The following TRIM44 variants were observed in gnomAD, a reference collection of about 807,000 sequenced individuals.
TRIM44 encodes the protein tripartite motif containing 44, also known as tripartite motif-containing protein 44.
Under a neutral mutation model 37.4 loss-of-function variants are expected in TRIM44, and 13 were observed. The ratio of observed to expected loss-of-function variants is 0.35; its 90% confidence interval spans 0.23 to 0.55. The LOEUF is 0.55. Among genes scored for constraint, TRIM44 ranks in the 20% least tolerant of loss-of-function variants. The pLI is 0.89. For synonymous variants in TRIM44, 175 were observed against 157.2 expected (o/e 1.11, Z -0.85); for missense variants, 426 against 437.2 (o/e 0.97, Z 0.23).
At chr11:35,766,982 G>A (rs774995677) in intron 4 of TRIM44, among the ~76,000 whole-genome samples, 18 of 152,164 alleles carry the variant, frequency 1.2e-4, no homozygotes, top group Non-Finnish European at 2.1e-4. Context: ...AAGTACTAAG[G>A]AATAGATTCT....
chr11:35,701,510 G>T (rs1264478906), intron 2 of TRIM44, among the ~76,000 whole-genome samples: 3 of 152,134 alleles, frequency 2.0e-5, no homozygotes, highest in Admixed American at 2.0e-4. Flanking sequence ...AGGTCATGCA[G>T]ATCTCAAACC....
At position 35,815,388 on chromosome 11, in the gene TRIM44, G is replaced by C. The variant is rs532924345; in HGVS notation, c.*9003G>C. ...CTAAGTAGGAAGAACTATGATAGAG[G>C]AACAAGATTGCTCTTTGACTTGGTG... On this transcript the variant is annotated 3_prime_UTR_variant, in exon 5 of 5. Transcript: ENST00000299413. 1 of 152,268 alleles carries C rather than the reference G, an allele frequency of 6.6e-6. No homozygotes were observed. Among genetic ancestry groups the C allele is most frequent in the East Asian group, 1.9e-4 (1 of 5,180 alleles). 9.4% of individuals were successfully genotyped at this position (152,268 alleles called of 1,614,324 possible). A position where few individuals can be genotyped will look rare whatever the true frequency, so the allele number is the denominator to read the frequency against.
chr11:35,682,259 G>A (rs1851528618), intron 1 of TRIM44, among the ~76,000 whole-genome samples: 1 of 152,162 alleles, frequency 6.6e-6, no homozygotes, highest in South Asian at 2.1e-4. Flanking sequence ...AGATGGACCA[G>A]TTTCTGATAC....
rs60767385 is a variant in TRIM44, at chr11:35,695,523, C to G, written c.747+10187C>G. Among the ~76,000 whole-genome samples, 1,255 of 152,158 alleles carry G rather than the reference C, an allele frequency of 8.2e-3. 15 individuals carry two copies. Among genetic ancestry groups the G allele is most frequent in the African/African-American group, 0.028 (1,165 of 41,518 alleles). ...CATTGAAGTTCCAGGAATTCTTACCCAGTTCAAATGATATGATTCTGAAGT... is the reference window on the plus strand; with the variant it reads ...CATTGAAGTTCCAGGAATTCTTACCGAGTTCAAATGATATGATTCTGAAGT... On this transcript the variant is annotated intron_variant, in intron 2 of 4. Transcript: ENST00000299413.
At position 35,774,145 on chromosome 11, in the gene TRIM44, CT is replaced by C. The variant is rs200033854; in HGVS notation, c.1008-32208del. 5.8e-4 allele frequency among the ~76,000 whole-genome samples: 89 copies of C among 152,298 alleles called. 1 individual carries two copies. The East Asian group carries it at 0.017, about 29-fold the overall frequency. On this transcript the variant is annotated intron_variant, in intron 4 of 4. Coordinates refer to ENST00000299413, the MANE Select transcript of TRIM44 (RefSeq NM_017583.6). ...CTCTCCAGCACGTGTTGTTTCCTGA[CT>C]TTTTAATAATTGCCATTCTAACTGG...
chr11:35,803,197 T>C (rs1853392373), intron 4 of TRIM44, among the ~76,000 whole-genome samples: 1 of 151,872 alleles, frequency 6.6e-6, no homozygotes, highest in African/African-American at 2.4e-5. Flanking sequence ...ACAAAAGTAA[T>C]TATGTAATGC....
rs1174767683 is a variant in TRIM44, at chr11:35,725,991, A to G, written c.815A>G (p.Asp272Gly). ...EFKKVQKVIA[D>G]EEQKALHLVD... ...AAGAAAGTTCAGAAAGTGATTGCTG[A>G]TGAGGAGCAGAAGGCCCTTCATCTA... Residue 272 changes from aspartate to glycine, a missense_variant, in exon 3 of 5, where the codon GAT (aspartate) becomes GGT (glycine). Physicochemically the swap from Asp to Gly is moderately conservative, Grantham distance 94 (BLOSUM62 -1). Coordinates refer to ENST00000299413, the MANE Select transcript of TRIM44 (RefSeq NM_017583.6). The G allele has an allele frequency of 1.2e-6, 2 of 1,613,972 alleles. No homozygotes were observed. The highest frequency in any genetic ancestry group is 2.7e-5 in the African/African-American group (2 of 74,922).
chr11:35,778,515 G>C (rs1233662909), intron 4 of TRIM44, among the ~76,000 whole-genome samples: 1 of 152,106 alleles, frequency 6.6e-6, no homozygotes, highest in Non-Finnish European at 1.5e-5. Flanking sequence ...AAGTAGCTGC[G>C]TTCCTTTAGA....
chr11:35,724,929 T>G lies in TRIM44; in HGVS notation c.748-995T>G, dbSNP rs117978567. 1.8e-3 allele frequency among the ~76,000 whole-genome samples: 277 copies of G among 152,314 alleles called. 14 individuals are homozygous for G. In the East Asian group the frequency reaches 0.031, roughly 17 times the overall value. ...AATTTACTAAGTGGCTCTAAACATC[T>G]TTAAAAAACTCATATGCGTATATTA... On this transcript the variant is annotated intron_variant, in intron 2 of 4. Coordinates refer to ENST00000299413, the MANE Select transcript of TRIM44 (RefSeq NM_017583.6).
intron 1 of TRIM44, among the ~76,000 whole-genome samples, chr11:35,670,966 A>G (rs1026301358): frequency 6.6e-6 from 1 of 152,208 alleles, no homozygotes; most frequent in African/African-American, 2.4e-5. Context: ...AAATGTTTCG[A>G]GTGCAATGTA....
intron 3 of TRIM44, among the ~76,000 whole-genome samples, chr11:35,733,270 CT>C (rs1291051476): frequency 6.6e-6 from 1 of 152,112 alleles, no homozygotes; most frequent in Non-Finnish European, 1.5e-5. Context: ...GAAACCCTGT[CT>C]CTTAATCATT....
intron 2 of TRIM44, among the ~76,000 whole-genome samples, chr11:35,723,061 C>T (rs1032739597): frequency 1.3e-5 from 2 of 151,888 alleles, no homozygotes; most frequent in African/African-American, 4.8e-5. Flanking sequence ...CCCTCTCCCC[C>T]TTCCAACTCT....
chr11:35,765,033 G>A (rs1303522430), intron 4 of TRIM44, among the ~76,000 whole-genome samples: 3 of 151,998 alleles, frequency 2.0e-5, no homozygotes, highest in Non-Finnish European at 4.4e-5. Flanking sequence ...ACATGATATC[G>A]AAAGACTTTT....
At chr11:35,775,555 G>T (rs542453322) in intron 4 of TRIM44, among the ~76,000 whole-genome samples, 1 of 152,054 alleles carries the variant, frequency 6.6e-6, no homozygotes, top group African/African-American at 2.4e-5. Flanking sequence ...GCCAGTTTTC[G>T]AAGGGAATGC....
intron 1 of TRIM44, among the ~76,000 whole-genome samples, chr11:35,671,438 T>C (rs1445863684): frequency 6.6e-6 from 1 of 152,226 alleles, no homozygotes; most frequent in East Asian, 1.9e-4. Context: ...CTTAACACAT[T>C]GTTAGTGCTC....
intron 4 of TRIM44, among the ~76,000 whole-genome samples, chr11:35,777,481 T>A (rs1446095306): frequency 6.6e-6 from 1 of 152,320 alleles, no homozygotes; most frequent in East Asian, 1.9e-4. Flanking sequence ...TATGTGTGAA[T>A]TTGATCCTGT....
At chr11:35,764,471 G>A (rs1477711958) in intron 4 of TRIM44, among the ~76,000 whole-genome samples, 21 of 152,300 alleles carry the variant, frequency 1.4e-4, no homozygotes. Context: ...GTCCATGTAA[G>A]TCAGCACTGT....
At chr11:35,785,670 T>G (rs1853122228) in intron 4 of TRIM44, among the ~76,000 whole-genome samples, 1 of 152,232 alleles carries the variant, frequency 6.6e-6, no homozygotes, top group Non-Finnish European at 1.5e-5. Flanking sequence ...CAGGCAAGCC[T>G]GGGAACCAGC....
rs117917688 is a variant in TRIM44, at chr11:35,784,647, C to T, written c.1008-21711C>T. ...ATGTATGTGTGTATACACACATATA[C>T]AACATGCATATATAGATTAAGGGGT... On this transcript the variant is annotated intron_variant, in intron 4 of 4. Transcript: ENST00000299413. 4.0e-3 allele frequency among the ~76,000 whole-genome samples: 608 copies of T among 152,264 alleles called. 1 individual carries two copies. Among genetic ancestry groups the T allele is most frequent in the Non-Finnish European group, 6.4e-3 (434 of 68,032 alleles).
Sources: gnomAD v4.1 joint callset for allele counts (sites outside exome capture counted in the v4.1 genomes callset) on GRCh38, gnomAD v4.1.1 for gene constraint, MANE v1.5 for transcripts, NCBI Gene and HGNC (gene_info 2026-07-23, HGNC 2026-07-21) for gene names.